Variants in DNAH14 observed in about 807,000 individuals in gnomAD.
DNAH14 encodes the protein axonemal beta dynein heavy chain 14.
Under a neutral mutation model 520.9 loss-of-function variants are expected in DNAH14, and 478 were observed. That is an observed-to-expected ratio of 0.92 (90% CI 0.85 to 0.99). The LOEUF (loss-of-function observed/expected upper bound fraction) is 0.99. Ranked by LOEUF, DNAH14 falls within the 50% of genes least tolerant of loss-of-function variation. The probability of loss-of-function intolerance (pLI) is 0.00; values close to 1 mark genes in which losing one functional copy is unlikely to be tolerated. For missense variants in DNAH14, 4,831 were observed against 5,234.5 expected, an observed-to-expected ratio of 0.92 and a Z score of 2.38; for synonymous variants, 1,581 against 1,757.2, an observed-to-expected ratio of 0.90 and a Z score of 2.51.
At chr1:225,049,791 TATCTATCTATCTATCTATCA>T (rs958078640) in intron 15 of DNAH14, among the ~76,000 whole-genome samples, 1 of 147,400 alleles carries the variant, frequency 6.8e-6, no homozygotes, top group African/African-American at 2.4e-5. Context: ...TCTATCTATC[TATCTATCTATCTATCTATCA>T]ATCATCTATC....
At chr1:225,038,919 G>T (rs566296719) in intron 12 of DNAH14, 96 bp downstream of exon 12, 2 of 1,139,580 alleles carry the variant, frequency 1.8e-6, no homozygotes, top group African/African-American at 3.2e-5. Context: ...ATACCCACAA[G>T]CCCTTACCCA....
intron 31 of DNAH14, among the ~76,000 whole-genome samples, chr1:225,148,396 C>CT (rs560233312): frequency 0.019 from 1,867 of 96,604 alleles, 38 homozygotes; most frequent in Non-Finnish European, 0.026. Flanking sequence ...TAATGTTGAG[C>CT]TTTTTTTTTT....
In DNAH14 at chr1:225,304,934, A is replaced by C; in HGVS notation, c.8850A>C (p.Thr2950=). The C allele has an allele frequency of 1.3e-6, 2 of 1,522,074 alleles. No homozygotes were observed. Among genetic ancestry groups the C allele is most frequent in the Non-Finnish European group, 1.8e-6 (2 of 1,140,386 alleles). 94.3% of individuals were successfully genotyped at this position (1,522,074 alleles called of 1,614,324 possible). The change falls in exon 58 of 86, where the codon ACA becomes ACC. Residue 2950 remains threonine, a synonymous_variant. Transcript: ENST00000682510. ...ACTTGAAAGAAAAACTTGCCCCAAC[A>C]TGTGTCCAAATCCACAAAAGCATGA... is the stretch of plus-strand genomic sequence containing the variant. ...RENLKEKLAP[T]CVQIHKSMKD...
Position 225,327,523 on chromosome 1 carries a change from A to G in DNAH14, c.9723+2691A>G, listed in dbSNP as rs116837283. Among the ~76,000 whole-genome samples the G allele has an allele frequency of 9.9e-3, 1,503 of 152,312 alleles. 8 individuals are homozygous for G. Among genetic ancestry groups the G allele is most frequent in the Non-Finnish European group, 0.016 (1,058 of 68,020 alleles). Reference sequence around the variant, plus strand: ...GAAATCACAAGAGAAATCAGAAAATACTTAGAGACAAATCAAATGCAACAA... The same window carrying G: ...GAAATCACAAGAGAAATCAGAAAATGCTTAGAGACAAATCAAATGCAACAA... On this transcript the variant is annotated intron_variant, in intron 64 of 85. Transcript: ENST00000682510.
intron 77 of DNAH14, 57 bp from the exon 78 acceptor site, chr1:225,374,629 CAG>C (rs2095672535): frequency 7.3e-7 from 1 of 1,363,178 alleles, no homozygotes; most frequent in Admixed American, 2.7e-5. Context: ...GTTAAAAAGT[CAG>C]AGTGAGTAAG....
intron 52 of DNAH14, among the ~76,000 whole-genome samples, chr1:225,274,767 C>T (rs1320211117): frequency 6.6e-6 from 1 of 152,202 alleles, no homozygotes; most frequent in Non-Finnish European, 1.5e-5. Flanking sequence ...AAGGCAACTA[C>T]AGTACCCCAA....
chr1:225,144,331 C>T, intron 28 of DNAH14, 66 bp from the exon 29 acceptor site: 2 of 1,172,428 alleles, frequency 1.7e-6, no homozygotes, highest in Non-Finnish European at 2.4e-6. Context: ...GATTCTTTTT[C>T]TGCATGTGAA....
chr1:225,217,953 G>A lies in DNAH14; in HGVS notation c.6439+10733G>A, dbSNP rs144972181. Among the ~76,000 whole-genome samples the A allele has an allele frequency of 5.1e-3, 783 of 152,136 alleles. 5 individuals carry two copies. The highest frequency in any genetic ancestry group is 0.017 in the African/African-American group (715 of 41,508). On this transcript the variant is annotated intron_variant, in intron 41 of 85. Transcript: ENST00000682510. The stretch of plus-strand genomic sequence containing the variant: ...TCAGTTGGACTTGCAGAAATCACCC[G>A]TCTTCTGCATTGCTCACACTTGGAG...
At position 225,392,418 on chromosome 1, in the gene DNAH14, A is replaced by G. The variant is rs372569939; in HGVS notation, c.13458A>G (p.Pro4486=). 8.4e-5 allele frequency: 130 copies of G among 1,551,866 alleles called. 1 individual carries two copies. In the African/African-American group the frequency reaches 9.7e-4, roughly 12 times the overall value. Residue 4486 remains proline, a synonymous_variant, in exon 84 of 86, where the codon CCA becomes CCG. Coordinates refer to ENST00000682510, the MANE Select transcript of DNAH14 (RefSeq NM_001367479.1). ...DKDEKFSVFM[P]KKLNIVRRAF... ...ATGAGAAGTTCTCCGTATTTATGCC[A>G]AAGAAACTCAACATAGTCAGGAGAG...
intron 27 of DNAH14, among the ~76,000 whole-genome samples, chr1:225,137,830 G>T (rs916001936): frequency 6.6e-6 from 1 of 152,174 alleles, no homozygotes; most frequent in Non-Finnish European, 1.5e-5. Context: ...ACCCTTCTTT[G>T]TAGACCGCCT....
chr1:225,333,224 T>A lies in DNAH14; in HGVS notation c.9865-67T>A, dbSNP rs1327029571. 27 of 1,301,106 alleles carry A rather than the reference T, an allele frequency of 2.1e-5. No homozygotes were observed. In the East Asian group the frequency reaches 5.9e-4, roughly 28 times the overall value. 80.6% of individuals were successfully genotyped at this position (1,301,106 alleles called of 1,614,324 possible). The stretch of plus-strand genomic sequence containing the variant: ...AATGATAGATCCAACTTGGAAATCA[T>A]TAATTTTAAAATATCTCATGATAAT... On this transcript the variant is annotated intron_variant, in intron 65 of 85. Coordinates refer to ENST00000682510, the MANE Select transcript of DNAH14 (RefSeq NM_001367479.1).
chr1:225,312,052 C>T (rs751124139), intron 60 of DNAH14, among the ~76,000 whole-genome samples: 3 of 151,920 alleles, frequency 2.0e-5, no homozygotes, highest in Non-Finnish European at 4.4e-5. Flanking sequence ...GGCCATTTTC[C>T]TGATATTGAT....
At chr1:225,107,263 C>T (rs191649741) in intron 23 of DNAH14, among the ~76,000 whole-genome samples, 32 of 152,230 alleles carry the variant, frequency 2.1e-4, no homozygotes, top group African/African-American at 6.0e-4. Context: ...AGTACCTGGC[C>T]GTGTGAGGTG....
intron 17 of DNAH14, among the ~76,000 whole-genome samples, chr1:225,058,261 G>A (rs1432939424): frequency 6.6e-6 from 1 of 152,156 alleles, no homozygotes; most frequent in East Asian, 1.9e-4. Flanking sequence ...AGTCTTGGGA[G>A]GGTGTGTGTG....
At chr1:225,362,574 CAA>C (rs56104945) in intron 75 of DNAH14, among the ~76,000 whole-genome samples, 5 of 120,936 alleles carry the variant, frequency 4.1e-5, no homozygotes, top group Non-Finnish European at 3.6e-5. Context: ...GACTCAGTCT[CAA>C]AAAAAAAAAA....
At chr1:225,212,513 G>C (rs1461591331) in intron 41 of DNAH14, among the ~76,000 whole-genome samples, 9 of 152,126 alleles carry the variant, frequency 5.9e-5, no homozygotes, top group South Asian at 2.1e-4. Context: ...CTAGTTTACA[G>C]TCCCACCAAC....
intron 1 of DNAH14, among the ~76,000 whole-genome samples, chr1:224,940,413 G>T (rs1373621861): frequency 1.3e-5 from 2 of 152,100 alleles, no homozygotes; most frequent in Non-Finnish European, 2.9e-5. Context: ...ATTAATGGTG[G>T]TTATCTTTGG....
chr1:225,374,145 C>CTATATATATATATATATATATATATA (rs71170080), intron 77 of DNAH14, among the ~76,000 whole-genome samples: 7 of 33,050 alleles, frequency 2.1e-4, no homozygotes, highest in African/African-American at 2.7e-4. Context: ...TTGTGTCTTA[C>CTATATATATATATATATATATATATA]TATATATATA....
chr1:225,254,202 G>A (rs1274609564), intron 44 of DNAH14, among the ~76,000 whole-genome samples: 1 of 152,000 alleles, frequency 6.6e-6, no homozygotes. Flanking sequence ...CTGTGGAGCT[G>A]ACATATAGAC....
Sources: allele counts gnomAD v4.1 joint callset (sites outside exome capture counted in the v4.1 genomes callset), GRCh38; gene constraint gnomAD v4.1.1; transcripts MANE v1.5; gene names NCBI Gene and HGNC (gene_info 2026-07-23, HGNC 2026-07-21).